The following COL13A1 variants were observed in gnomAD, a reference collection of about 807,000 sequenced individuals.
COL13A1 encodes the protein collagen alpha-1(XIII) chain.
In COL13A1, 89 loss-of-function variants were observed where a neutral mutation model predicts 130.9. The ratio of observed to expected loss-of-function variants is 0.68; its 90% CI spans 0.57 to 0.81. COL13A1 has a LOEUF of 0.81. COL13A1 is among the 30% of genes least tolerant of loss of function. COL13A1 has a pLI of 0.00. For missense variants in COL13A1, 879 were observed against 934.6 expected (o/e 0.94, Z 0.78); for synonymous variants, 402 against 341.6 (o/e 1.18, Z -1.95).
intron 2 of COL13A1, among the ~76,000 whole-genome samples, chr10:69,855,705 T>C (rs2133679519): frequency 6.8e-6 from 1 of 147,664 alleles, no homozygotes; most frequent in African/African-American, 2.5e-5. Context: ...GCCTCCTAAC[T>C]CACCTGGCAT....
intron 18 of COL13A1, 23 bp from the exon 19 acceptor site, chr10:69,918,262 C>CTT: frequency 6.3e-7 from 1 of 1,589,052 alleles, no homozygotes; most frequent in Admixed American, 1.7e-5. Flanking sequence ...GTCTTCAGAC[C>CTT]TTTTTTTTTC....
chr10:69,947,194 C>T (rs950905934), intron 37 of COL13A1, 113 bp from the exon 38 acceptor site: 26 of 928,982 alleles, frequency 2.8e-5, no homozygotes, highest in African/African-American at 6.6e-5. Context: ...AATAACTAAA[C>T]CTGTCTCCAG....
chr10:69,832,067 G>T (rs1051601525), intron 2 of COL13A1, among the ~76,000 whole-genome samples: 9 of 152,190 alleles, frequency 5.9e-5, no homozygotes, highest in African/African-American at 2.2e-4. Flanking sequence ...TCTTTGCCCA[G>T]TTGCATTCAG....
At chr10:69,817,606 G>A (rs1353002755) in intron 1 of COL13A1, among the ~76,000 whole-genome samples, 2 of 152,090 alleles carry the variant, frequency 1.3e-5, no homozygotes, top group African/African-American at 4.8e-5. Context: ...CTGCCTGTGT[G>A]CAGGGGTGGG....
intron 7 of COL13A1, among the ~76,000 whole-genome samples, chr10:69,885,898 C>T (rs954035076): frequency 1.3e-5 from 2 of 152,106 alleles, no homozygotes; most frequent in African/African-American, 4.8e-5. Flanking sequence ...TGCCACAAGC[C>T]CATCCTAAGC....
chr10:69,870,838 G>A (rs971997590), intron 3 of COL13A1, among the ~76,000 whole-genome samples: 4 of 137,964 alleles, frequency 2.9e-5, no homozygotes, highest in African/African-American at 1.1e-4. Flanking sequence ...TCGGTGGTCA[G>A]AGCAAAGAGG....
chr10:69,845,032 C>T (rs1471263016), intron 2 of COL13A1, among the ~76,000 whole-genome samples: 1 of 152,152 alleles, frequency 6.6e-6, no homozygotes, highest in Non-Finnish European at 1.5e-5. Flanking sequence ...AGGTCCTGTA[C>T]TTAACTAGTT....
chr10:69,917,338 C>CT lies in COL13A1; in HGVS notation c.966+6dup, dbSNP rs776318177. ...CCAGGCAAGCATGGAGCCAAGGTAC[C>CT]TCCCCCTTCCCCACATCCCAGGCAG... On this transcript the variant is annotated splice_donor_region_variant and intron_variant, in intron 18 of 40. Coordinates refer to ENST00000645393, the MANE Select transcript of COL13A1 (RefSeq NM_001368882.1). The CT allele has an allele frequency of 2.5e-6, 4 of 1,613,048 alleles. No homozygotes were observed. The highest frequency in any genetic ancestry group is 3.4e-6 in the Non-Finnish European group (4 of 1,179,510).
At chr10:69,860,692 GTCCCCCAT>G (rs1857788320) in intron 2 of COL13A1, 1 of 267,238 alleles carries the variant, frequency 3.7e-6, no homozygotes, top group Non-Finnish European at 7.6e-6. Flanking sequence ...CTGCAGCCAG[GTCCCCCAT>G]GCCCTCCTTG....
intron 24 of COL13A1, 132 bp downstream of exon 24, chr10:69,923,987 T>A (rs955427814): frequency 1.5e-5 from 19 of 1,276,272 alleles, no homozygotes; most frequent in Middle Eastern, 3.9e-4. Flanking sequence ...CTTCCCTAAT[T>A]CCTGGTTGGC....
chr10:69,828,874 G>T (rs1848144269), intron 2 of COL13A1, among the ~76,000 whole-genome samples: 1 of 152,212 alleles, frequency 6.6e-6, no homozygotes, highest in Non-Finnish European at 1.5e-5. Flanking sequence ...CTCCCTGACT[G>T]CTAGCATTAA....
chr10:69,864,488 G>C (rs1298813682), intron 2 of COL13A1, among the ~76,000 whole-genome samples: 1 of 152,140 alleles, frequency 6.6e-6, no homozygotes, highest in Non-Finnish European at 1.5e-5. Context: ...TGTATCATCA[G>C]AGCTTTGCAT....
intron 10 of COL13A1, among the ~76,000 whole-genome samples, chr10:69,889,949 C>G (rs1382289236): frequency 6.6e-6 from 1 of 152,180 alleles, no homozygotes; most frequent in East Asian, 1.9e-4. Context: ...CCACATGCAT[C>G]ATCCCAAAGG....
At chr10:69,829,657 A>G (rs1471083780) in intron 2 of COL13A1, among the ~76,000 whole-genome samples, 3 of 152,182 alleles carry the variant, frequency 2.0e-5, no homozygotes, top group Non-Finnish European at 4.4e-5. Context: ...CACCTTGGAG[A>G]GGGCCCTGGG....
chr10:69,895,941 GTT>G (rs917163957), intron 13 of COL13A1, among the ~76,000 whole-genome samples: 4 of 152,140 alleles, frequency 2.6e-5, no homozygotes, highest in Admixed American at 1.3e-4. Context: ...GTGTGAGTCT[GTT>G]TGACTCCCCA....
At position 69,930,102 on chromosome 10, in the gene COL13A1, C is replaced by A. The variant is rs754874797; in HGVS notation, c.1530+15C>A. On this transcript the variant is annotated intron_variant, in intron 29 of 40. Transcript: ENST00000645393. ...ATGGGGAAAAGGTATGAACAGACGT[C>A]CTCTGGTCAAACCTCTGAAGACAGT... 1 of 1,613,478 alleles carries A rather than the reference C, an allele frequency of 6.2e-7. No homozygotes were observed. Among genetic ancestry groups the A allele is most frequent in the East Asian group, 2.2e-5 (1 of 44,850 alleles).
At chr10:69,823,328 T>A (rs918527980) in intron 2 of COL13A1, among the ~76,000 whole-genome samples, 1 of 152,242 alleles carries the variant, frequency 6.6e-6, no homozygotes, top group African/African-American at 2.4e-5. Flanking sequence ...AGTTTCACTG[T>A]TTCCCTGAGG....
chr10:69,819,360 AG>A (rs1845441712), intron 1 of COL13A1, among the ~76,000 whole-genome samples: 3 of 152,198 alleles, frequency 2.0e-5, no homozygotes, highest in African/African-American at 7.2e-5. Flanking sequence ...TCCAAAGTGG[AG>A]GTCTATGAGT....
At chr10:69,880,472 G>A (rs375681697) in intron 6 of COL13A1, 31 bp from the exon 7 acceptor site, 54 of 1,345,828 alleles carry the variant, frequency 4.0e-5, no homozygotes, top group Admixed American at 5.1e-5. Context: ...CCTGCCCCTC[G>A]CTCCCTCTCC....
Sources: allele counts gnomAD v4.1 joint callset (sites outside exome capture counted in the v4.1 genomes callset), GRCh38; gene constraint gnomAD v4.1.1; transcripts MANE v1.5; gene names NCBI Gene and HGNC (gene_info 2026-07-23, HGNC 2026-07-21).